CDKAL1: variants seen among roughly 807,000 people sequenced by gnomAD.
The protein encoded by CDKAL1 is CDKAL1 threonylcarbamoyladenosine tRNA methylthiotransferase.
Under a neutral mutation model 68.2 loss-of-function variants are expected in CDKAL1, and 32 were observed. The ratio of observed to expected loss-of-function variants is 0.47; its 90% CI spans 0.35 to 0.63. The LOEUF is 0.63. Among genes scored for constraint, CDKAL1 ranks in the 30% least tolerant of loss-of-function variants. The probability of loss-of-function intolerance (pLI) is 0.00; values close to 1 mark genes in which losing one functional copy is unlikely to be tolerated. For missense variants in CDKAL1, 606 were observed against 696.7 expected (o/e 0.87, Z 1.47); for synonymous variants, 234 against 244.3 (o/e 0.96, Z 0.39).
intron 12 of CDKAL1, among the ~76,000 whole-genome samples, chr6:21,088,625 G>C (rs6456396): frequency 0.38 from 57,595 of 151,998 alleles, 11,111 homozygotes; most frequent in African/African-American, 0.47. Flanking sequence ...GGAATTGATA[G>C]TATTTTTCTA....
intron 9 of CDKAL1, among the ~76,000 whole-genome samples, chr6:20,872,694 A>C (rs1373908074): frequency 4.6e-5 from 6 of 131,146 alleles, no homozygotes; most frequent in Non-Finnish European, 9.6e-5. Context: ...ATATTAACAA[A>C]TCTACATGGT....
chr6:21,097,298 C>T (rs541320480), intron 12 of CDKAL1, among the ~76,000 whole-genome samples: 10 of 152,088 alleles, frequency 6.6e-5, no homozygotes, highest in East Asian at 3.9e-4. Context: ...GGTGAAACCC[C>T]GTCTCTACTA....
intron 8 of CDKAL1, among the ~76,000 whole-genome samples, chr6:20,808,640 T>C (rs2150416759): frequency 6.6e-6 from 1 of 151,934 alleles, no homozygotes; most frequent in South Asian, 2.1e-4. Flanking sequence ...ATGGGAGATT[T>C]TCAACAGTTG....
chr6:20,548,510 G>T, intron 3 of CDKAL1, 83 bp from the exon 4 acceptor site: 2 of 717,130 alleles, frequency 2.8e-6, no homozygotes. Context: ...TGCAGCCTGG[G>T]CAACAGAGCA....
intron 10 of CDKAL1, among the ~76,000 whole-genome samples, chr6:20,957,890 G>T (rs1042091956): frequency 6.7e-6 from 1 of 150,222 alleles, no homozygotes; most frequent in African/African-American, 2.4e-5. Flanking sequence ...AGAATCGCTT[G>T]AGCCCAAGAG....
intron 5 of CDKAL1, among the ~76,000 whole-genome samples, chr6:20,650,819 C>T (rs1768728790): frequency 6.6e-6 from 1 of 152,086 alleles, no homozygotes; most frequent in South Asian, 2.1e-4. Context: ...GAATCCTCTC[C>T]CCATTGCTTG....
rs555736598 is a variant in CDKAL1, at chr6:21,057,963, T to C, written c.1056-7085T>C. Reference sequence around the variant, plus strand: ...GATAAATTTTAGAGTAAGTGCCATGTGGCACCAAGAAGAATGTATATTCTC... The same window carrying C: ...GATAAATTTTAGAGTAAGTGCCATGCGGCACCAAGAAGAATGTATATTCTC... On this transcript the variant is annotated intron_variant, in intron 11 of 15. Transcript: ENST00000274695. Among the ~76,000 whole-genome samples the C allele has an allele frequency of 5.9e-5, 9 of 152,370 alleles. No individual in the cohort carries two copies. In the South Asian group the frequency reaches 1.9e-3, roughly 32 times the overall value.
At chr6:20,845,289 A>T (rs1176651943) in intron 8 of CDKAL1, among the ~76,000 whole-genome samples, 1 of 152,014 alleles carries the variant, frequency 6.6e-6, no homozygotes, top group Non-Finnish European at 1.5e-5. Context: ...TATCTTTTTG[A>T]TATAGGACTA....
At chr6:21,171,055 T>C (rs1004709509) in intron 13 of CDKAL1, among the ~76,000 whole-genome samples, 3 of 152,124 alleles carry the variant, frequency 2.0e-5, no homozygotes, top group Admixed American at 1.3e-4. Flanking sequence ...AAAAAATATA[T>C]AGAAAATCTG....
intron 9 of CDKAL1, among the ~76,000 whole-genome samples, chr6:20,889,355 T>C (rs1369221638): frequency 6.6e-6 from 1 of 152,236 alleles, no homozygotes; most frequent in Non-Finnish European, 1.5e-5. Flanking sequence ...TCTTCTGCTG[T>C]GCAGAAGCTC....
In CDKAL1 at chr6:20,667,790, T is replaced by C. The variant is rs145026032; in HGVS notation, c.371+18413T>C. Among the ~76,000 whole-genome samples, 87 of 152,258 alleles carry C rather than the reference T, an allele frequency of 5.7e-4. 1 individual carries two copies. The highest frequency in any genetic ancestry group is 6.8e-3 in the Middle Eastern group (2 of 294). On this transcript the variant is annotated intron_variant, in intron 5 of 15. Coordinates refer to ENST00000274695, the MANE Select transcript of CDKAL1 (RefSeq NM_017774.3). Reference sequence around the variant, plus strand: ...TAAATTTTAAATCATTTTAGACTAATAGCAAAATTGTAAAAATAGTACACT... The same window carrying C: ...TAAATTTTAAATCATTTTAGACTAACAGCAAAATTGTAAAAATAGTACACT...
intron 10 of CDKAL1, among the ~76,000 whole-genome samples, chr6:20,961,755 A>C (rs1344711836): frequency 4.0e-5 from 6 of 151,358 alleles, no homozygotes; most frequent in Non-Finnish European, 7.4e-5. Flanking sequence ...CAAAAGAGCA[A>C]GACTCCGTCT....
chr6:20,913,473 C>G (rs1762569462), intron 9 of CDKAL1, among the ~76,000 whole-genome samples: 1 of 152,184 alleles, frequency 6.6e-6, no homozygotes, highest in African/African-American at 2.4e-5. Context: ...TCAAAGCCAG[C>G]AAGAGAGAGG....
intron 12 of CDKAL1, among the ~76,000 whole-genome samples, chr6:21,081,936 C>T (rs903113953): frequency 4.6e-5 from 7 of 151,614 alleles, no homozygotes; most frequent in Admixed American, 2.6e-4. Context: ...TCATTAATAA[C>T]TCCATATATT....
At chr6:20,843,811 A>G (rs1778268724) in intron 8 of CDKAL1, among the ~76,000 whole-genome samples, 1 of 152,196 alleles carries the variant, frequency 6.6e-6, no homozygotes, top group Non-Finnish European at 1.5e-5. Context: ...TCCATTGGTT[A>G]TAGGACAAAT....
rs71559677 is a variant in CDKAL1, at chr6:20,613,249, C to CTTTTTTTTTTTTTTTTTTTTT, written c.287-36021_287-36001dup. ...TATCAGTTCATCACAAAATTTCTTT[C>CTTTTTTTTTTTTTTTTTTTTT]TTTTTTTTTTTTTTTTTTTTTTTTT... On this transcript the variant is annotated intron_variant, in intron 4 of 15. Coordinates refer to ENST00000274695, the MANE Select transcript of CDKAL1 (RefSeq NM_017774.3). 5.1e-5 allele frequency among the ~76,000 whole-genome samples: 4 copies of CTTTTTTTTTTTTTTTTTTTTT among 77,866 alleles called. 1 individual carries two copies. Among genetic ancestry groups the CTTTTTTTTTTTTTTTTTTTTT allele is most frequent in the Non-Finnish European group, 9.8e-5 (4 of 40,826 alleles). 51.1% of individuals were successfully genotyped at this position (77,866 alleles called of 152,430 possible). A position where few individuals can be genotyped will look rare whatever the true frequency, so the allele number is the denominator to read the frequency against.
chr6:21,181,379 T>C (rs2151086527), intron 13 of CDKAL1, among the ~76,000 whole-genome samples: 1 of 152,286 alleles, frequency 6.6e-6, no homozygotes, highest in South Asian at 2.1e-4. Context: ...AGGGCCCCCA[T>C]GAGTGAATTA....
At chr6:21,225,463 T>C (rs1165531248) in intron 15 of CDKAL1, among the ~76,000 whole-genome samples, 6 of 152,160 alleles carry the variant, frequency 3.9e-5, no homozygotes, top group Admixed American at 3.9e-4. Context: ...TGGGAGGCTC[T>C]GGCCTTCTCT....
intron 11 of CDKAL1, among the ~76,000 whole-genome samples, chr6:21,019,892 C>G (rs1385738540): frequency 7.1e-6 from 1 of 140,878 alleles, no homozygotes; most frequent in Non-Finnish European, 1.6e-5. Flanking sequence ...TTGCTTCCAG[C>G]TTAATTTTTA....
Sources: gnomAD v4.1 joint callset for allele counts (sites outside exome capture counted in the v4.1 genomes callset) on GRCh38, gnomAD v4.1.1 for gene constraint, MANE v1.5 for transcripts, NCBI Gene and HGNC (gene_info 2026-07-23, HGNC 2026-07-21) for gene names.